The following RFX3 variants were observed in gnomAD, a reference collection of about 807,000 sequenced individuals.
The protein encoded by RFX3 is transcription factor RFX3.
In RFX3, 14 loss-of-function variants were observed where a neutral mutation model predicts 98.6. The observed-to-expected ratio is 0.14, with a 90% CI of 0.09 to 0.22. The LOEUF (loss-of-function observed/expected upper bound fraction) is 0.22. Ranked by LOEUF, RFX3 falls within the 10% of genes least tolerant of loss-of-function variation. The pLI, the probability that RFX3 is intolerant of heterozygous loss-of-function variation, is 1.00. For missense variants in RFX3, 639 were observed against 926.9 expected (o/e 0.69, Z 4.03); for synonymous variants, 383 against 328.4 (o/e 1.17, Z -1.80).
In RFX3 at chr9:3,248,049, T is replaced by A. The variant is rs1016200720; in HGVS notation, c.1951A>T (p.Ile651Leu). The A allele has an allele frequency of 9.9e-6, 16 of 1,613,922 alleles. No individual in the cohort carries two copies. Among genetic ancestry groups the A allele is most frequent in the African/African-American group, 1.3e-5 (1 of 74,930 alleles). Reference protein sequence around the residue: ...RVAQATGETPIAVMGEFGDLN... With the variant: ...RVAQATGETPLAVMGEFGDLN... ...TCTCTTACCTCGCCCATGACTGCTA[T>A]AGGAGTCTCTCCTGTTGCCTGAGCA... Residue 651 changes from isoleucine to leucine, a missense_variant, in exon 15 of 17, where the codon ATA (isoleucine) becomes TTA (leucine). Physicochemically the swap from Ile to Leu is conservative, Grantham distance 5. Transcript: ENST00000617270.
chr9:3,302,123 C>T (rs1349147817), intron 4 of RFX3, among the ~76,000 whole-genome samples: 1 of 151,880 alleles, frequency 6.6e-6, no homozygotes, highest in Non-Finnish European at 1.5e-5. Context: ...TAAATCCATA[C>T]ATCCCTCCAT....
intron 1 of RFX3, among the ~76,000 whole-genome samples, chr9:3,410,200 T>TGTGC: frequency 6.6e-6 from 1 of 151,424 alleles, no homozygotes; most frequent in Non-Finnish European, 1.5e-5. Flanking sequence ...TGTGTGTGTG[T>TGTGC]GTGTGTGTGG....
At chr9:3,429,084 G>A (rs1186742030) in intron 1 of RFX3, among the ~76,000 whole-genome samples, 1 of 149,196 alleles carries the variant, frequency 6.7e-6, no homozygotes, top group South Asian at 2.1e-4. Flanking sequence ...GTGCGGTGGC[G>A]CGATCTCGGC....
Position 3,221,230 on chromosome 9 carries a change from T to G in RFX3, c.*3812A>C, listed in dbSNP as rs1012867359. On this transcript the variant is annotated 3_prime_UTR_variant, in exon 17 of 17. Transcript: ENST00000617270. ...CTAATGTTTCAAGCACAGCATTATT[T>G]TAGACATTTCAAATATATCATCTGA... is the stretch of plus-strand genomic sequence containing the variant. The G allele has an allele frequency of 1.3e-5, 2 of 152,160 alleles. No individual in the cohort carries two copies. Among genetic ancestry groups the G allele is most frequent in the African/African-American group, 4.8e-5 (2 of 41,442 alleles). 9.4% of individuals were successfully genotyped at this position (152,160 alleles called of 1,614,324 possible).
At chr9:3,492,026 A>C (rs1363335297) in intron 1 of RFX3, among the ~76,000 whole-genome samples, 1 of 152,132 alleles carries the variant, frequency 6.6e-6, no homozygotes. Flanking sequence ...TTCTACAATG[A>C]CTTTATTTTC....
intron 1 of RFX3, among the ~76,000 whole-genome samples, chr9:3,416,806 A>C (rs1157829547): frequency 1.3e-5 from 2 of 152,172 alleles, no homozygotes; most frequent in Non-Finnish European, 2.9e-5. Flanking sequence ...AAGACAAGGC[A>C]AGAAAACAGG....
intron 1 of RFX3, among the ~76,000 whole-genome samples, chr9:3,411,330 T>A (rs534530955): frequency 7.2e-5 from 11 of 152,240 alleles, no homozygotes; most frequent in African/African-American, 1.2e-4. Flanking sequence ...TCTTTCCCCC[T>A]TTCTCCCTTG....
chr9:3,312,632 C>G (rs1233568557), intron 4 of RFX3, among the ~76,000 whole-genome samples: 1 of 151,780 alleles, frequency 6.6e-6, no homozygotes, highest in Non-Finnish European at 1.5e-5. Flanking sequence ...GGAACAGCTC[C>G]AGTCTGCAGC....
At chr9:3,251,550 C>T (rs190767162) in intron 14 of RFX3, among the ~76,000 whole-genome samples, 5 of 151,722 alleles carry the variant, frequency 3.3e-5, no homozygotes, top group Admixed American at 3.3e-4. Context: ...CCAGGCTGGT[C>T]TCGAACTCCT....
intron 1 of RFX3, among the ~76,000 whole-genome samples, chr9:3,464,185 C>A (rs1847983145): frequency 6.6e-6 from 1 of 152,118 alleles, no homozygotes; most frequent in Non-Finnish European, 1.5e-5. Flanking sequence ...GCCAGGAATG[C>A]AAAATGGTAC....
chr9:3,233,295 C>A (rs775768940), intron 15 of RFX3, among the ~76,000 whole-genome samples: 1 of 152,176 alleles, frequency 6.6e-6, no homozygotes, highest in African/African-American at 2.4e-5. Flanking sequence ...GGCCAGGCAG[C>A]TGGATTGTTC....
At chr9:3,424,409 T>G (rs1252440656) in intron 1 of RFX3, among the ~76,000 whole-genome samples, 8 of 127,446 alleles carry the variant, frequency 6.3e-5, no homozygotes, top group African/African-American at 2.5e-4. Context: ...TCGCCCAGGC[T>G]GGAGTGCAGT....
chr9:3,515,927 AGAGTT>A (rs1587915590), intron 1 of RFX3, among the ~76,000 whole-genome samples: 1 of 152,204 alleles, frequency 6.6e-6, no homozygotes, highest in Admixed American at 6.5e-5. Flanking sequence ...GGCTGGTAAA[AGAGTT>A]GAGTTACAGC....
At chr9:3,239,440 T>C (rs960574655) in intron 15 of RFX3, among the ~76,000 whole-genome samples, 1 of 152,232 alleles carries the variant, frequency 6.6e-6, no homozygotes, top group Non-Finnish European at 1.5e-5. Flanking sequence ...GGTCTTGCTG[T>C]TGTGGGCTAG....
chr9:3,286,436 A>G (rs1245841927), intron 7 of RFX3, among the ~76,000 whole-genome samples: 3 of 152,004 alleles, frequency 2.0e-5, no homozygotes, highest in East Asian at 3.9e-4. Context: ...TCTGTAATAA[A>G]AAATCTAAAA....
At chr9:3,478,019 T>G (rs990880043) in intron 1 of RFX3, among the ~76,000 whole-genome samples, 5 of 152,166 alleles carry the variant, frequency 3.3e-5, no homozygotes, top group Non-Finnish European at 5.9e-5. Context: ...TTGATACTCT[T>G]TCTCTGGTGA....
At chr9:3,229,395 T>C (rs1180503865) in intron 15 of RFX3, among the ~76,000 whole-genome samples, 2 of 152,230 alleles carry the variant, frequency 1.3e-5, no homozygotes, top group Non-Finnish European at 2.9e-5. Flanking sequence ...CAAAATTGAG[T>C]GTATTTGTTT....
chr9:3,469,190 G>T (rs1216752904), intron 1 of RFX3: 5 of 455,558 alleles, frequency 1.1e-5, no homozygotes, highest in Non-Finnish European at 1.8e-5. Flanking sequence ...GTCCAAAGTT[G>T]AACTGCTGCA....
chr9:3,376,906 A>G (rs1838592585), intron 2 of RFX3, among the ~76,000 whole-genome samples: 1 of 152,212 alleles, frequency 6.6e-6, no homozygotes, highest in African/African-American at 2.4e-5. Flanking sequence ...ACCATCTCAC[A>G]CCAGTTAGAA....
Sources: gnomAD v4.1 joint callset for allele counts (sites outside exome capture counted in the v4.1 genomes callset) on GRCh38, gnomAD v4.1.1 for gene constraint, MANE v1.5 for transcripts, NCBI Gene and HGNC (gene_info 2026-07-23, HGNC 2026-07-21) for gene names.